Variants in SHANK1 observed in about 807,000 individuals in gnomAD.
SHANK1 encodes the protein SH3 and multiple ankyrin repeat domains 1.
A neutral mutation model predicts 165.6 loss-of-function variants in SHANK1; 35 were observed. That is an observed-to-expected ratio of 0.21 (90% CI 0.16 to 0.28). The LOEUF (loss-of-function observed/expected upper bound fraction) is 0.28. SHANK1 is among the 10% of genes least tolerant of loss of function. The probability of loss-of-function intolerance (pLI) is 1.00; values close to 1 mark genes in which losing one functional copy is unlikely to be tolerated. For synonymous variants in SHANK1, 1,428 were observed against 1,384.8 expected (o/e 1.03, Z -0.69); for missense variants, 2,681 against 3,036.4 (o/e 0.88, Z 2.75).
At chr19:50,696,944 T>G (rs1199069740) in intron 15 of SHANK1, 152 bp downstream of exon 15, 2 of 706,380 alleles carry the variant, frequency 2.8e-6, no homozygotes, top group Non-Finnish European at 5.1e-6. Flanking sequence ...AGGCCACACA[T>G]GCACACAGAT....
chr19:50,687,685 C>T, intron 18 of SHANK1, 23 bp from the exon 19 acceptor site: 3 of 1,466,176 alleles, frequency 2.0e-6, no homozygotes, highest in Non-Finnish European at 2.7e-6. Context: ...TGAGGGGAGG[C>T]ATCAGTATCA....
At chr19:50,678,610 A>C (rs951476387) in intron 21 of SHANK1, among the ~76,000 whole-genome samples, 1 of 144,666 alleles carries the variant, frequency 6.9e-6, no homozygotes, top group Non-Finnish European at 1.5e-5. Context: ...GGAGAGGTCA[A>C]TGTGACAGAG....
At chr19:50,711,187 T>TGGAG in intron 8 of SHANK1, 184 bp downstream of exon 8, 1 of 575,576 alleles carries the variant, frequency 1.7e-6, no homozygotes, top group Non-Finnish European at 3.1e-6. Flanking sequence ...ATCTGTTGGA[T>TGGAG]GGATGGATGG....
At position 50,702,567 on chromosome 19, in the gene SHANK1, C is replaced by T; in HGVS notation, c.1647G>A (p.Lys549=). ...AGCGTCCGGGTACCGCTGAGTAGAG[C>T]TTCCTCCGCCTCCCGCGGCTGCCCA... is the stretch of plus-strand genomic sequence containing the variant. ...GSLGSRGRRR[K]LYSAVPGRSF... is the part of the protein sequence containing the mutation. The change falls in exon 12 of 24, where the codon AAG becomes AAA. Residue 549 remains lysine, a synonymous_variant. Transcript: ENST00000293441. The surrounding 1 kb of genome is among the most constrained non-coding windows in gnomAD (Gnocchi z 5.3). 2 of 1,612,150 alleles carry T rather than the reference C, an allele frequency of 1.2e-6. No homozygotes were observed. Among genetic ancestry groups the T allele is most frequent in the Non-Finnish European group, 1.7e-6 (2 of 1,179,476 alleles).
rs1985322440 is a variant in SHANK1 at position 50,662,848 on chromosome 19, ACGGC to A, written c.5769-170_5769-167del. On this transcript the variant is annotated intron_variant, in intron 23 of 23. Coordinates refer to ENST00000293441, the MANE Select transcript of SHANK1 (RefSeq NM_016148.5). The surrounding 1 kb of genome is among the most constrained non-coding windows in gnomAD (Gnocchi z 7.7). Reference sequence around the variant, plus strand: ...AGAAATGGAGGGAGCAAGGGGTAAGACGGCCGGCCGTCGAGGAAAGAAATGAAGG... The same window carrying A: ...AGAAATGGAGGGAGCAAGGGGTAAGACGGCCGTCGAGGAAAGAAATGAAGG... 6.6e-6 allele frequency among the ~76,000 whole-genome samples: 1 copy of A among 151,752 alleles called. No homozygotes were observed. Among genetic ancestry groups the A allele is most frequent in the Non-Finnish European group, 1.5e-5 (1 of 67,916 alleles).
intron 22 of SHANK1, among the ~76,000 whole-genome samples, chr19:50,671,566 T>A (rs1355345836): frequency 6.6e-6 from 1 of 151,722 alleles, no homozygotes; most frequent in Non-Finnish European, 1.5e-5. Flanking sequence ...TAATCCATTA[T>A]CTGTCTTCCC....
At position 50,686,366 on chromosome 19, in the gene SHANK1, A is replaced by G; in HGVS notation, c.2459-11T>C. The G allele has an allele frequency of 1.9e-6, 3 of 1,546,628 alleles. No individual in the cohort carries two copies. The South Asian group carries it at 3.5e-5, about 18-fold the overall frequency. ...TTTCGTCCAGTTTGTCTAGGGGTAG[A>G]TGAATGAACAGAGGTGGGAAGACAA... On this transcript the variant is annotated splice_polypyrimidine_tract_variant and intron_variant, in intron 20 of 23. Transcript: ENST00000293441. This position sits in a 1 kb window ranked among gnomAD's most constrained non-coding sequence, Gnocchi z 5.7.
intron 19 of SHANK1, chr19:50,687,146 G>GGT (rs1254691421): frequency 1.6e-6 from 1 of 622,556 alleles, no homozygotes; most frequent in African/African-American, 2.0e-5. Context: ...CGGGGTGGGG[G>GGT]CGGTCAGCTG....
rs1301366476 is a variant in SHANK1 at position 50,659,723 on chromosome 19, C to T, written c.*2242G>A. Among the ~76,000 whole-genome samples the T allele has an allele frequency of 6.7e-6, 1 of 149,122 alleles. No homozygotes were observed. The highest frequency in any genetic ancestry group is 1.5e-5 in the Non-Finnish European group (1 of 67,206). The stretch of plus-strand genomic sequence containing the variant: ...TGCTTTTTCTCTCCTCTCCACCCCG[C>T]GCTGTCCCCGCATTCGGTCCCTCCC... On this transcript the variant is annotated 3_prime_UTR_variant, in exon 24 of 24. Coordinates refer to ENST00000293441, the MANE Select transcript of SHANK1 (RefSeq NM_016148.5).
At position 50,718,225 on chromosome 19, in the gene SHANK1, T is replaced by C. The variant is rs1241350249; in HGVS notation, c.-44+1181A>G. Among the ~76,000 whole-genome samples, 5 of 148,366 alleles carry C rather than the reference T, an allele frequency of 3.4e-5. No individual in the cohort carries two copies. Among genetic ancestry groups the C allele is most frequent in the Non-Finnish European group, 7.5e-5 (5 of 66,900 alleles). On this transcript the variant is annotated intron_variant, in intron 1 of 23. Coordinates refer to ENST00000293441, the MANE Select transcript of SHANK1 (RefSeq NM_016148.5). This position sits in a 1 kb window ranked among gnomAD's most constrained non-coding sequence, Gnocchi z 5.1. ...CTCTAACCCAGGGCCGGCGGACCCC[T>C]CCCCCACGCGCGGCAGCGCTGCGAA...
chr19:50,677,433 T>C lies in SHANK1; in HGVS notation c.2578-5319A>G, dbSNP rs146637954. Among the ~76,000 whole-genome samples, 618 of 152,236 alleles carry C rather than the reference T, an allele frequency of 4.1e-3. 5 individuals carry two copies. Among genetic ancestry groups the C allele is most frequent in the African/African-American group, 0.014 (579 of 41,542 alleles). On this transcript the variant is annotated intron_variant, in intron 21 of 23. Transcript: ENST00000293441. ...GTGAGCCACTCATGCCTGGCCCCCATACTTCTTTAACAAGAGAGAGATAAA... is the reference window on the plus strand; with the variant it reads ...GTGAGCCACTCATGCCTGGCCCCCACACTTCTTTAACAAGAGAGAGATAAA...
rs1352134571 is a variant in SHANK1, at chr19:50,667,998, C to T, written c.3962G>A (p.Gly1321Glu). Reference protein sequence around the residue: ...GGYGAGSRAYGGGGGSSAFTS... With the variant: ...GGYGAGSRAYEGGGGSSAFTS... ...GAAGGCGCTGCTGCCCCCGCCACCCCCGTAGGCTCGGCTACCGGCCCCGTA... is the reference window on the plus strand; with the variant it reads ...GAAGGCGCTGCTGCCCCCGCCACCCTCGTAGGCTCGGCTACCGGCCCCGTA... The change falls in exon 23 of 24, where the codon GGG (glycine) becomes GAG (glutamate). Residue 1321 changes from glycine (G) to glutamate (E), a missense_variant. Coordinates refer to ENST00000293441, the MANE Select transcript of SHANK1 (RefSeq NM_016148.5). This position sits in a 1 kb window ranked among gnomAD's most constrained non-coding sequence, Gnocchi z 5.7. The T allele has an allele frequency of 2.4e-5, 35 of 1,473,278 alleles. No homozygotes were observed. Among genetic ancestry groups the T allele is most frequent in the Non-Finnish European group, 2.9e-5 (32 of 1,118,128 alleles). The allele number at this position is 1,473,278 out of a possible 1,614,324, so 91.3% of individuals were successfully genotyped here. A position where few individuals can be genotyped will look rare whatever the true frequency, so the allele number is the denominator to read the frequency against.
At chr19:50,672,643 A>T (rs1234146887) in intron 21 of SHANK1, among the ~76,000 whole-genome samples, 1 of 151,850 alleles carries the variant, frequency 6.6e-6, no homozygotes, top group African/African-American at 2.4e-5. Context: ...AGGAAGGAGA[A>T]AGAAAGGAGA....
At chr19:50,689,736 G>A (rs565888634) in intron 15 of SHANK1, among the ~76,000 whole-genome samples, 10 of 152,288 alleles carry the variant, frequency 6.6e-5, no homozygotes, top group Admixed American at 5.9e-4. Flanking sequence ...TCCAGTGGGG[G>A]TAATACACAT....
Position 50,687,666 on chromosome 19 carries a change from A to C in SHANK1, c.2309-4T>G. 1 of 1,484,924 alleles carries C rather than the reference A, an allele frequency of 6.7e-7. No individual in the cohort carries two copies. The highest frequency in any genetic ancestry group is 1.4e-5 in the African/African-American group (1 of 70,836). The allele number at this position is 1,484,924 out of a possible 1,614,324, so 92.0% of individuals were successfully genotyped here. A position where few individuals can be genotyped will look rare whatever the true frequency, so the allele number is the denominator to read the frequency against. On this transcript the variant is annotated splice_region_variant and splice_polypyrimidine_tract_variant and intron_variant, in intron 18 of 23. Transcript: ENST00000293441. ...AGCCGCTTGGCCTGCTGGGGTGCTG[A>C]AAAGGTGATGAGGGGAGGCATCAGT...
At position 50,716,547 on chromosome 19, in the gene SHANK1, G is replaced by C; in HGVS notation, c.256-69C>G. The C allele has an allele frequency of 6.3e-7, 1 of 1,586,746 alleles. No homozygotes were observed. Among genetic ancestry groups the C allele is most frequent in the African/African-American group, 1.3e-5 (1 of 74,510 alleles). On this transcript the variant is annotated intron_variant, in intron 2 of 23. Coordinates refer to ENST00000293441, the MANE Select transcript of SHANK1 (RefSeq NM_016148.5). This position sits in a 1 kb window ranked among gnomAD's most constrained non-coding sequence, Gnocchi z 8.4. ...AGGAGAGCCTGAGGTGGGTTGGGAAGTGAGCCAGGAGCTGAGTGTGGGGGT... is the reference window on the plus strand; with the variant it reads ...AGGAGAGCCTGAGGTGGGTTGGGAACTGAGCCAGGAGCTGAGTGTGGGGGT...
At position 50,661,798 on chromosome 19, in the gene SHANK1, G is replaced by A. The variant is rs756454191; in HGVS notation, c.*167C>T. The A allele has an allele frequency of 5.3e-5, 36 of 678,520 alleles. No homozygotes were observed. Among genetic ancestry groups the A allele is most frequent in the Non-Finnish European group, 8.0e-5 (32 of 399,700 alleles). 42.0% of individuals were successfully genotyped at this position (678,520 alleles called of 1,614,324 possible). On this transcript the variant is annotated 3_prime_UTR_variant, in exon 24 of 24. Coordinates refer to ENST00000293441, the MANE Select transcript of SHANK1 (RefSeq NM_016148.5). ...CCCCTTCAGTGAGGTGCAAATGTCC[G>A]GCCTGGATTGGGCCACCTGGTGACC... is the stretch of plus-strand genomic sequence containing the variant.
chr19:50,698,658 G>A (rs1457291570), intron 12 of SHANK1, among the ~76,000 whole-genome samples: 1 of 152,184 alleles, frequency 6.6e-6, no homozygotes, highest in Non-Finnish European at 1.5e-5. Context: ...CCTAAGAGGG[G>A]CCACTTTCAT....
At chr19:50,683,896 A>G (rs1030877465) in intron 21 of SHANK1, among the ~76,000 whole-genome samples, 2 of 152,230 alleles carry the variant, frequency 1.3e-5, no homozygotes, top group Non-Finnish European at 2.9e-5. Flanking sequence ...TCAACAGCGC[A>G]GATGTTAGAA....
Sources: allele counts gnomAD v4.1 joint callset (sites outside exome capture counted in the v4.1 genomes callset), GRCh38; gene constraint gnomAD v4.1.1; non-coding constraint Gnocchi (gnomAD v3.1); transcripts MANE v1.5; gene names NCBI Gene and HGNC (gene_info 2026-07-23, HGNC 2026-07-21).